RGS5: variants seen among roughly 807,000 people sequenced by gnomAD.
RGS5 encodes the protein regulator of G-protein signalling 5.
In RGS5, 20 loss-of-function variants were observed where a neutral mutation model predicts 18.9. The ratio of observed to expected loss-of-function variants is 1.06; its 90% confidence interval spans 0.74 to 1.54. The LOEUF is 1.54. RGS5 is among the 40% of genes most tolerant of loss of function. The probability of loss-of-function intolerance (pLI) is 0.00; values close to 1 mark genes in which losing one functional copy is unlikely to be tolerated. For synonymous variants in RGS5, 57 were observed against 76.2 expected, an observed-to-expected ratio of 0.75 and a Z score of 1.31; for missense variants, 201 against 211.8, an observed-to-expected ratio of 0.95 and a Z score of 0.32.
intron 1 of RGS5, among the ~76,000 whole-genome samples, chr1:163,169,259 T>A (rs1229307393): frequency 2.0e-5 from 3 of 152,108 alleles, no homozygotes; most frequent in Admixed American, 2.0e-4. Flanking sequence ...ATCCAGTCTA[T>A]CATTGTTGGA....
intron 2 of RGS5, among the ~76,000 whole-genome samples, chr1:163,286,466 GTC>G (rs1649150533): frequency 6.6e-6 from 1 of 151,926 alleles, no homozygotes; most frequent in Non-Finnish European, 1.5e-5. Context: ...TATATGTAAA[GTC>G]TCTCATTATT....
chr1:163,191,770 C>T (rs953713706), intron 1 of RGS5, among the ~76,000 whole-genome samples: 2 of 152,146 alleles, frequency 1.3e-5, no homozygotes, highest in Non-Finnish European at 2.9e-5. Flanking sequence ...TCTAATGAGG[C>T]AACTCTTGGT....
chr1:163,315,768 A>AAT (rs1650002254), intron 1 of RGS5, among the ~76,000 whole-genome samples: 1 of 152,202 alleles, frequency 6.6e-6, no homozygotes, highest in African/African-American at 2.4e-5. Flanking sequence ...ATGAAAGGGT[A>AAT]ATAAAAAGCA....
chr1:163,183,419 A>G (rs929793332), intron 1 of RGS5, among the ~76,000 whole-genome samples: 1 of 152,216 alleles, frequency 6.6e-6, no homozygotes, highest in Admixed American at 6.5e-5. Context: ...TTAATAAGCA[A>G]TTATTCCTGA....
At chr1:163,289,161 G>A (rs1649216326) in intron 2 of RGS5, among the ~76,000 whole-genome samples, 2 of 152,002 alleles carry the variant, frequency 1.3e-5, no homozygotes, top group Non-Finnish European at 2.9e-5. Context: ...CCAAGTGCCT[G>A]TCAATGTTGC....
intron 3 of RGS5, among the ~76,000 whole-genome samples, chr1:163,156,806 T>C (rs1657597345): frequency 6.6e-6 from 1 of 152,238 alleles, no homozygotes; most frequent in Non-Finnish European, 1.5e-5. Flanking sequence ...TTTCATTTTC[T>C]GAAAACTAGG....
At chr1:163,317,810 G>C (rs1650067415) in intron 1 of RGS5, among the ~76,000 whole-genome samples, 1 of 149,732 alleles carries the variant, frequency 6.7e-6, no homozygotes. Context: ...TCAATTCCTA[G>C]CTATTATCAA....
At chr1:163,193,725 T>C (rs1474993904) in intron 1 of RGS5, among the ~76,000 whole-genome samples, 1 of 152,140 alleles carries the variant, frequency 6.6e-6, no homozygotes, top group African/African-American at 2.4e-5. Flanking sequence ...CTTCCAAGAA[T>C]TGTCAGTACT....
At chr1:163,319,828 T>C (rs538600708) in intron 1 of RGS5, among the ~76,000 whole-genome samples, 45 of 152,302 alleles carry the variant, frequency 3.0e-4, no homozygotes, top group African/African-American at 1.0e-3. Context: ...TTTTCTGCAA[T>C]AGTCTGTGTT....
intron 2 of RGS5, among the ~76,000 whole-genome samples, chr1:163,243,699 C>G (rs1197124650): frequency 6.9e-6 from 1 of 144,304 alleles, no homozygotes; most frequent in African/African-American, 2.6e-5. Context: ...CAGCAAACCA[C>G]CATGGCACAG....
intron 2 of RGS5, among the ~76,000 whole-genome samples, chr1:163,226,517 T>C (rs1421026343): frequency 2.0e-5 from 3 of 152,144 alleles, no homozygotes; most frequent in African/African-American, 4.8e-5. Flanking sequence ...AGAGGGCACG[T>C]TGGGACTGGG....
At chr1:163,257,386 C>A (rs1245727119) in intron 2 of RGS5, among the ~76,000 whole-genome samples, 1 of 151,980 alleles carries the variant, frequency 6.6e-6, no homozygotes, top group African/African-American at 2.4e-5. Flanking sequence ...TTAAGGGTCT[C>A]ATTTGGGGAT....
Position 163,268,199 on chromosome 1 carries a change from G to C in RGS5, c.-281+38034C>G, listed in dbSNP as rs562714491. 4.5e-4 allele frequency among the ~76,000 whole-genome samples: 69 copies of C among 152,132 alleles called. No homozygotes were observed. In the South Asian group the frequency reaches 4.6e-3, roughly 10 times the overall value. ...CTTTTTAAAATACACAGTTGTTCCAGACACAAACAATACCCTCCTTATTGG... is the reference window on the plus strand; with the variant it reads ...CTTTTTAAAATACACAGTTGTTCCACACACAAACAATACCCTCCTTATTGG... On this transcript the variant is annotated intron_variant, in intron 2 of 5. Transcript: ENST00000618415.
At chr1:163,209,720 T>G (rs1660055187) in intron 1 of RGS5, among the ~76,000 whole-genome samples, 1 of 152,170 alleles carries the variant, frequency 6.6e-6, no homozygotes, top group Admixed American at 6.5e-5. Context: ...TGAATTATAT[T>G]ATTGTTCAAG....
At chr1:163,311,090 T>G (rs1001493839) in intron 1 of RGS5, among the ~76,000 whole-genome samples, 3 of 152,180 alleles carry the variant, frequency 2.0e-5, no homozygotes, top group Non-Finnish European at 2.9e-5. Context: ...ACCAGATTTG[T>G]GTGGAGACAC....
chr1:163,199,434 C>A (rs981700856), intron 1 of RGS5, among the ~76,000 whole-genome samples: 2 of 152,142 alleles, frequency 1.3e-5, no homozygotes, highest in Non-Finnish European at 2.9e-5. Context: ...GATTAGATTT[C>A]TCCTTACATG....
At chr1:163,268,326 T>C (rs1489362972) in intron 2 of RGS5, among the ~76,000 whole-genome samples, 1 of 152,110 alleles carries the variant, frequency 6.6e-6, no homozygotes, top group Non-Finnish European at 1.5e-5. Context: ...GCCAGAGACA[T>C]ACATTAGAGG....
chr1:163,144,862 C>T lies in RGS5; in HGVS notation c.*2480G>A, dbSNP rs2102375245. 1 of 152,442 alleles carries T rather than the reference C, an allele frequency of 6.6e-6. No individual in the cohort carries two copies. Among genetic ancestry groups the T allele is most frequent in the South Asian group, 2.1e-4 (1 of 4,814 alleles). The allele number at this position is 152,442 out of a possible 1,614,324, so 9.4% of individuals were successfully genotyped here. A position where few individuals can be genotyped will look rare whatever the true frequency, so the allele number is the denominator to read the frequency against. ...TGAACAATTTTAATATGTTTGATTTCTCATTTGGGGCTGGAATATTTGTAT... is the reference window on the plus strand; with the variant it reads ...TGAACAATTTTAATATGTTTGATTTTTCATTTGGGGCTGGAATATTTGTAT... On this transcript the variant is annotated 3_prime_UTR_variant, in exon 5 of 5. Coordinates refer to ENST00000313961, the MANE Select transcript of RGS5 (RefSeq NM_003617.4).
chr1:163,275,604 A>T (rs1312854209), intron 2 of RGS5, among the ~76,000 whole-genome samples: 1 of 152,214 alleles, frequency 6.6e-6, no homozygotes, highest in Admixed American at 6.5e-5. Context: ...TGTCAAGACT[A>T]AATGTTATTC....
Sources: gnomAD v4.1 joint callset for allele counts (sites outside exome capture counted in the v4.1 genomes callset) on GRCh38, gnomAD v4.1.1 for gene constraint, MANE v1.5 for transcripts, NCBI Gene and HGNC (gene_info 2026-07-23, HGNC 2026-07-21) for gene names.